Variants in PPM1E observed in about 807,000 individuals in gnomAD.
PPM1E encodes the protein protein phosphatase, Mg2+/Mn2+ dependent 1E, also known as protein phosphatase 1E.
In PPM1E, 20 loss-of-function variants were observed where a neutral mutation model predicts 65.9. The observed-to-expected ratio is 0.30, with a 90% CI of 0.21 to 0.44. The LOEUF is 0.44. Among genes scored for constraint, PPM1E ranks in the 20% least tolerant of loss-of-function variants. The probability of loss-of-function intolerance (pLI) is 1.00; values close to 1 mark genes in which losing one functional copy is unlikely to be tolerated. For synonymous variants in PPM1E, 352 were observed against 374.9 expected (o/e 0.94, Z 0.70); for missense variants, 713 against 953.1 (o/e 0.75, Z 3.32).
At chr17:58,972,498 G>GCC (rs2030705179) in intron 5 of PPM1E, among the ~76,000 whole-genome samples, 1 of 152,054 alleles carries the variant, frequency 6.6e-6, no homozygotes, top group Non-Finnish European at 1.5e-5. Flanking sequence ...TTACAGGCAT[G>GCC]TGCCACCACG....
At chr17:58,917,929 T>A (rs1053740629) in intron 1 of PPM1E, among the ~76,000 whole-genome samples, 12 of 152,210 alleles carry the variant, frequency 7.9e-5, no homozygotes, top group Non-Finnish European at 4.4e-5. Context: ...AATTTTATTT[T>A]ACAGCTATGA....
intron 1 of PPM1E, among the ~76,000 whole-genome samples, chr17:58,877,503 A>G (rs2051141368): frequency 6.6e-6 from 1 of 152,238 alleles, no homozygotes. Flanking sequence ...TAAACAAATT[A>G]TATTCTAAAA....
intron 1 of PPM1E, among the ~76,000 whole-genome samples, chr17:58,891,840 T>C (rs2051350735): frequency 7.3e-6 from 1 of 136,638 alleles, no homozygotes; most frequent in Admixed American, 7.2e-5. Flanking sequence ...TTCTTTTTTT[T>C]TTTTTTTTTT....
Position 58,955,868 on chromosome 17 carries a change from C to A in PPM1E, c.583+101C>A, listed in dbSNP as rs542965685. 4.5e-6 allele frequency: 6 copies of A among 1,322,714 alleles called. No homozygotes were observed. In the African/African-American group the frequency reaches 9.2e-5, roughly 20 times the overall value. 81.9% of individuals were successfully genotyped at this position (1,322,714 alleles called of 1,614,324 possible). A position where few individuals can be genotyped will look rare whatever the true frequency, so the allele number is the denominator to read the frequency against. ...AAAATACTAAATCTAATTACATTTA[C>A]CTGCTGGTTGTTTATGTAGTGGTAG... is the stretch of plus-strand genomic sequence containing the variant. On this transcript the variant is annotated intron_variant, in intron 2 of 6. Transcript: ENST00000308249.
chr17:58,903,603 C>A (rs900699767), intron 1 of PPM1E, among the ~76,000 whole-genome samples: 1 of 152,118 alleles, frequency 6.6e-6, no homozygotes, highest in Non-Finnish European at 1.5e-5. Flanking sequence ...AAATTAAAAT[C>A]TTATATTGTC....
intron 2 of PPM1E, among the ~76,000 whole-genome samples, chr17:58,956,328 C>T (rs1308818780): frequency 2.6e-5 from 4 of 151,652 alleles, no homozygotes; most frequent in African/African-American, 4.8e-5. Context: ...CCTAGCTATT[C>T]GGGAGGCTGA....
rs1567871335 is a variant in PPM1E at position 58,907,003 on chromosome 17, G to A, written c.465-48646G>A. ...TGTAATCCCGGCACTTTGAGAGACT[G>A]AGGCAAGTGGATCACGAGGTCAGGA... On this transcript the variant is annotated intron_variant, in intron 1 of 6. Coordinates refer to ENST00000308249, the MANE Select transcript of PPM1E (RefSeq NM_014906.5). 2.6e-5 allele frequency among the ~76,000 whole-genome samples: 4 copies of A among 152,302 alleles called. No homozygotes were observed. The South Asian group carries it at 8.3e-4, about 32-fold the overall frequency.
At chr17:58,953,817 G>A (rs1046261245) in intron 1 of PPM1E, among the ~76,000 whole-genome samples, 2 of 147,346 alleles carry the variant, frequency 1.4e-5, no homozygotes, top group African/African-American at 2.5e-5. Flanking sequence ...GCACGATCTC[G>A]GCTCACCGCA....
intron 4 of PPM1E, among the ~76,000 whole-genome samples, chr17:58,971,614 C>T (rs139654302): frequency 6.6e-6 from 1 of 152,202 alleles, no homozygotes; most frequent in African/African-American, 2.4e-5. Context: ...TCTCTTGGCC[C>T]CTTAGCTTAA....
intron 1 of PPM1E, among the ~76,000 whole-genome samples, chr17:58,930,545 A>C (rs2051881144): frequency 6.6e-6 from 1 of 152,232 alleles, no homozygotes; most frequent in South Asian, 2.1e-4. Flanking sequence ...AATAACATAA[A>C]AACTTAATCT....
intron 1 of PPM1E, among the ~76,000 whole-genome samples, chr17:58,779,749 C>T (rs1022269995): frequency 2.0e-5 from 3 of 152,050 alleles, no homozygotes; most frequent in Admixed American, 2.0e-4. Context: ...GTAAGTCTTC[C>T]TTATCAGTTT....
intron 1 of PPM1E, among the ~76,000 whole-genome samples, chr17:58,891,059 C>T (rs925691573): frequency 1.3e-5 from 2 of 152,110 alleles, no homozygotes; most frequent in Non-Finnish European, 2.9e-5. Context: ...CAACCTCTGC[C>T]TCACAGGTTC....
chr17:58,973,032 G>T, intron 6 of PPM1E, 107 bp downstream of exon 6: 1 of 690,480 alleles, frequency 1.4e-6, no homozygotes, highest in Non-Finnish European at 2.5e-6. Flanking sequence ...TTACCAGAAT[G>T]CTTATTATTC....
chr17:58,893,091 A>G (rs1441666333), intron 1 of PPM1E, among the ~76,000 whole-genome samples: 1 of 152,244 alleles, frequency 6.6e-6, no homozygotes, highest in East Asian at 1.9e-4. Context: ...ATGATCCAGC[A>G]ATCATATTCA....
chr17:58,832,240 T>C (rs2143181597), intron 1 of PPM1E, among the ~76,000 whole-genome samples: 1 of 152,320 alleles, frequency 6.6e-6, no homozygotes, highest in East Asian at 1.9e-4. Flanking sequence ...ACTATCCTGG[T>C]CACTCACTTC....
chr17:58,768,215 G>A (rs2144162817), intron 1 of PPM1E, among the ~76,000 whole-genome samples: 1 of 152,242 alleles, frequency 6.6e-6, no homozygotes, highest in South Asian at 2.1e-4. Flanking sequence ...GCCTCTGAAA[G>A]TGCTAGGACT....
intron 1 of PPM1E, among the ~76,000 whole-genome samples, chr17:58,896,209 C>G (rs1165978483): frequency 6.6e-6 from 1 of 151,984 alleles, no homozygotes; most frequent in Non-Finnish European, 1.5e-5. Flanking sequence ...GAACCAGAAG[C>G]AAAATTCCCT....
In PPM1E at chr17:58,930,258, C is replaced by T. The variant is rs867051330; in HGVS notation, c.465-25391C>T. Among the ~76,000 whole-genome samples the T allele has an allele frequency of 9.3e-4, 138 of 148,114 alleles. 1 individual carries two copies. Among genetic ancestry groups the T allele is most frequent in the African/African-American group, 2.0e-3 (80 of 40,754 alleles). ...AATAAATTAAATGTATATACACACA[C>T]ACACACACACACACACACACACACA... On this transcript the variant is annotated intron_variant, in intron 1 of 6. Coordinates refer to ENST00000308249, the MANE Select transcript of PPM1E (RefSeq NM_014906.5).
intron 4 of PPM1E, 26 bp from the exon 5 acceptor site, chr17:58,972,106 T>C (rs563248321): frequency 6.3e-7 from 1 of 1,599,796 alleles, no homozygotes; most frequent in Non-Finnish European, 8.5e-7. Flanking sequence ...TTTCACTGAG[T>C]CTAGTTTTAT....
Sources: allele counts gnomAD v4.1 joint callset (sites outside exome capture counted in the v4.1 genomes callset), GRCh38; gene constraint gnomAD v4.1.1; transcripts MANE v1.5; gene names NCBI Gene and HGNC (gene_info 2026-07-23, HGNC 2026-07-21).